CEP120: variants seen among roughly 807,000 people sequenced by gnomAD.
CEP120 encodes the protein centrosomal protein of 120 kDa.
CEP120 carries 113 observed loss-of-function variants against 126.5 expected under a neutral mutation model. That is an observed-to-expected ratio of 0.89 (90% confidence interval 0.77 to 1.04). The LOEUF is 1.04. CEP120 is among the 50% of genes least tolerant of loss of function. CEP120 has a pLI of 0.00. For missense variants in CEP120, 1,230 were observed against 1,155.7 expected (o/e 1.06, Z -0.93); for synonymous variants, 400 against 394.3 (o/e 1.01, Z -0.17).
At chr5:123,351,015 G>A (rs1022383941) in intron 18 of CEP120, among the ~76,000 whole-genome samples, 1 of 152,102 alleles carries the variant, frequency 6.6e-6, no homozygotes, top group Non-Finnish European at 1.5e-5. Flanking sequence ...ATCCCAAAGT[G>A]GGAGACCTGA....
chr5:123,351,932 A>C (rs903103535), intron 18 of CEP120, among the ~76,000 whole-genome samples: 27 of 152,116 alleles, frequency 1.8e-4, no homozygotes, highest in East Asian at 3.9e-4. Flanking sequence ...CTTCCACTTG[A>C]GCATTCCAAT....
At chr5:123,400,634 T>C (rs1231424976) in intron 4 of CEP120, among the ~76,000 whole-genome samples, 13 of 136,792 alleles carry the variant, frequency 9.5e-5, no homozygotes, top group Admixed American at 4.7e-4. Context: ...TACACATAAA[T>C]ACATACATAT....
chr5:123,403,697 A>G (rs1183060198), intron 4 of CEP120: 3 of 421,394 alleles, frequency 7.1e-6, no homozygotes, highest in African/African-American at 2.1e-5. Context: ...GCACCACCTG[A>G]TAAGATGCAA....
intron 4 of CEP120, chr5:123,402,098 G>A (rs1348074999): frequency 1.1e-5 from 17 of 1,572,850 alleles, no homozygotes; most frequent in African/African-American, 1.1e-4. Context: ...CCTGGATGTC[G>A]GGGTCCACCT....
chr5:123,400,620 T>C (rs1773126569), intron 4 of CEP120, among the ~76,000 whole-genome samples: 1 of 146,568 alleles, frequency 6.8e-6, no homozygotes, highest in South Asian at 2.1e-4. Context: ...TATATACATA[T>C]ATATACACAT....
Position 123,391,274 on chromosome 5 carries a change from T to A in CEP120, c.874A>T (p.Lys292Ter). 1 of 1,614,222 alleles carries A rather than the reference T, an allele frequency of 6.2e-7. No homozygotes were observed. The highest frequency in any genetic ancestry group is 8.5e-7 in the Non-Finnish European group (1 of 1,180,040). ...STEIPLTGLL[K>*]KGSTEINQHP... ...TGGTTGATTTCTGTACTGCCCTTTTTAAGTAATCCAGTTAAAGGTATTTCT... is the reference window on the plus strand; with the variant it reads ...TGGTTGATTTCTGTACTGCCCTTTTAAAGTAATCCAGTTAAAGGTATTTCT... The change falls in exon 7 of 20, where the codon AAA (lysine) becomes TAA (stop). Residue 292 changes from lysine to a stop codon, truncating the protein, a stop_gained. Coordinates refer to ENST00000306467, the MANE Select transcript of CEP120 (RefSeq NM_001375405.1). LOFTEE classifies it high-confidence loss of function.
chr5:123,393,252 T>A (rs1219021464), intron 6 of CEP120, 48 bp downstream of exon 6: 1 of 1,545,852 alleles, frequency 6.5e-7, no homozygotes, highest in East Asian at 2.2e-5. Flanking sequence ...ACTAAATTAA[T>A]GCTTAAAAGA....
chr5:123,414,816 A>C (rs1030943007), intron 3 of CEP120, among the ~76,000 whole-genome samples: 6 of 151,742 alleles, frequency 4.0e-5, no homozygotes, highest in African/African-American at 1.5e-4. Context: ...AATTCAAAAA[A>C]AAAAAATTAG....
rs1013184193 is a variant in CEP120 at position 123,379,056 on chromosome 5, G to A, written c.2104-628C>T. ...AGTCCAAAAAAAAAATATAGTCAAA[G>A]AAGCCAAATAGAGGAAGTGTTTCAA... On this transcript the variant is annotated intron_variant, in intron 14 of 19. Coordinates refer to ENST00000306467, the MANE Select transcript of CEP120 (RefSeq NM_001375405.1). Among the ~76,000 whole-genome samples, 9 of 152,078 alleles carry A rather than the reference G, an allele frequency of 5.9e-5. No homozygotes were observed. The East Asian group carries it at 1.6e-3, about 26-fold the overall frequency.
At chr5:123,364,697 C>A (rs373670542) in intron 17 of CEP120, 103 bp from the exon 18 acceptor site, 152 of 522,240 alleles carry the variant, frequency 2.9e-4, no homozygotes, top group Non-Finnish European at 3.4e-4. Flanking sequence ...AGAGTTTATA[C>A]AGTGTAACAT....
At chr5:123,353,287 G>A (rs1769328926) in intron 18 of CEP120, among the ~76,000 whole-genome samples, 1 of 151,764 alleles carries the variant, frequency 6.6e-6, no homozygotes, top group South Asian at 2.1e-4. Flanking sequence ...TCTAGTCTTA[G>A]TTTGTTAATG....
chr5:123,387,091 G>A (rs1772083103), intron 9 of CEP120, among the ~76,000 whole-genome samples: 1 of 152,120 alleles, frequency 6.6e-6, no homozygotes, highest in Non-Finnish European at 1.5e-5. Context: ...AATCAAGAGA[G>A]TGACATAACA....
chr5:123,384,297 T>C (rs1177658126), intron 11 of CEP120, among the ~76,000 whole-genome samples: 2 of 148,114 alleles, frequency 1.4e-5, no homozygotes, highest in African/African-American at 4.9e-5. Context: ...CTTGTTTCTC[T>C]TTTTTTTAGT....
chr5:123,372,125 T>C (rs968197712), intron 17 of CEP120, among the ~76,000 whole-genome samples: 1 of 152,042 alleles, frequency 6.6e-6, no homozygotes, highest in Non-Finnish European at 1.5e-5. Context: ...AGCTGAGAGC[T>C]AGAGTGCAAG....
intron 4 of CEP120, chr5:123,401,352 G>C: frequency 6.3e-7 from 1 of 1,588,716 alleles, no homozygotes; most frequent in East Asian, 2.2e-5. Context: ...GCGGCCTCCA[G>C]GAAAGCCCTC....
In CEP120 at chr5:123,383,001, G is replaced by T; in HGVS notation, c.1845C>A (p.Ile615=). 1 of 1,598,956 alleles carries T rather than the reference G, an allele frequency of 6.3e-7. No individual in the cohort carries two copies. Among genetic ancestry groups the T allele is most frequent in the East Asian group, 2.2e-5 (1 of 44,716 alleles). The stretch of plus-strand genomic sequence containing the variant: ...TTATATTTACCTGAGATGAATCAGA[G>T]ATAAAAATCTCACGCATTTTTACTA... The part of the protein sequence containing the change: ...YGLVKMREIF[I]SDSSQGVSAV... Residue 615 remains isoleucine, a synonymous_variant, in exon 12 of 20, where the codon ATC becomes ATA. Coordinates refer to ENST00000306467, the MANE Select transcript of CEP120 (RefSeq NM_001375405.1).
At position 123,378,357 on chromosome 5, in the gene CEP120, C is replaced by T. The variant is rs560737688; in HGVS notation, c.2175G>A (p.Gln725=). Residue 725 remains glutamine (Q), a synonymous_variant, in exon 15 of 20, where the codon CAG becomes CAA. Transcript: ENST00000306467. ...TLIDLEKREQ[Q]LASVESELQR... ...ATACCTCTGATTCCACACTAGCAAG[C>T]TGCTGCTCTCGCTTCTCCAAGTCAA... The T allele has an allele frequency of 1.2e-6, 2 of 1,607,334 alleles. No individual in the cohort carries two copies. Among genetic ancestry groups the T allele is most frequent in the East Asian group, 2.2e-5 (1 of 44,516 alleles).
chr5:123,363,595 G>A (rs2127000435), intron 18 of CEP120, among the ~76,000 whole-genome samples: 1 of 151,398 alleles, frequency 6.6e-6, no homozygotes, highest in African/African-American at 2.4e-5. Context: ...CATTTGTAAT[G>A]CTTACAATCC....
intron 13 of CEP120, 126 bp from the exon 14 acceptor site, chr5:123,382,326 A>T (rs1489241831): frequency 1.7e-3 from 109 of 64,988 alleles, no homozygotes; most frequent in Middle Eastern, 7.8e-3. Context: ...TTTTTATTCT[A>T]AAAAAAAAAA....
Sources: gnomAD v4.1 joint callset for allele counts (sites outside exome capture counted in the v4.1 genomes callset) on GRCh38, gnomAD v4.1.1 for gene constraint, MANE v1.5 for transcripts, NCBI Gene and HGNC (gene_info 2026-07-23, HGNC 2026-07-21) for gene names.